The following CALD1 variants were observed in gnomAD, a reference collection of about 807,000 sequenced individuals.
The protein encoded by CALD1 is caldesmon.
In CALD1, 33 loss-of-function variants were observed where a neutral mutation model predicts 99.9. The observed-to-expected ratio is 0.33, with a 90% confidence interval of 0.25 to 0.44. CALD1 has a LOEUF of 0.44. Ranked by LOEUF, CALD1 falls within the 20% of genes least tolerant of loss-of-function variation. The probability of loss-of-function intolerance (pLI) is 1.00; values close to 1 mark genes in which losing one functional copy is unlikely to be tolerated. For missense variants in CALD1, 861 were observed against 962.1 expected (o/e 0.89, Z 1.39); for synonymous variants, 310 against 325.0 (o/e 0.95, Z 0.50).
At chr7:134,936,746 C>T (rs1806011339) in intron 6 of CALD1, among the ~76,000 whole-genome samples, 1 of 152,174 alleles carries the variant, frequency 6.6e-6, no homozygotes, top group South Asian at 2.1e-4. Context: ...ATGAAAACCC[C>T]TAGTTCATGT....
At chr7:134,797,684 C>T (rs892270512) in intron 1 of CALD1, among the ~76,000 whole-genome samples, 5 of 152,284 alleles carry the variant, frequency 3.3e-5, no homozygotes, top group Admixed American at 2.6e-4. Context: ...CCTCCGCCTC[C>T]TGGGTTCAAG....
At chr7:134,952,790 T>C (rs1584660862) in intron 9 of CALD1, among the ~76,000 whole-genome samples, 1 of 152,160 alleles carries the variant, frequency 6.6e-6, no homozygotes, top group East Asian at 1.9e-4. Context: ...TATGATGGTC[T>C]AGGTCCCAGT....
chr7:134,772,889 T>C (rs1796887751), intron 1 of CALD1, among the ~76,000 whole-genome samples: 1 of 152,230 alleles, frequency 6.6e-6, no homozygotes, highest in Non-Finnish European at 1.5e-5. Flanking sequence ...TGGGATTTTC[T>C]TTTACCATTA....
Position 134,968,632 on chromosome 7 carries a change from A to AT in CALD1, c.*288dup. Reference sequence around the variant, plus strand: ...ATCATAACTCTGTATCTGAGCAGTGATACCAACCACATCTGAAGTCAACAG... The same window carrying AT: ...ATCATAACTCTGTATCTGAGCAGTGATTACCAACCACATCTGAAGTCAACAG... On this transcript the variant is annotated 3_prime_UTR_variant, in exon 15 of 15. Transcript: ENST00000361675. The AT allele has an allele frequency of 1.6e-6, 1 of 644,054 alleles. No individual in the cohort carries two copies. The highest frequency in any genetic ancestry group is 2.9e-6 in the Non-Finnish European group (1 of 347,002). 39.9% of individuals were successfully genotyped at this position (644,054 alleles called of 1,614,324 possible).
chr7:134,928,724 G>A, intron 3 of CALD1, 30 bp from the exon 4 acceptor site: 1 of 1,604,062 alleles, frequency 6.2e-7, no homozygotes, highest in Non-Finnish European at 8.5e-7. Flanking sequence ...CAAGTGGCAC[G>A]CTCAAGAGGT....
intron 3 of CALD1, among the ~76,000 whole-genome samples, chr7:134,881,450 C>T (rs1801596842): frequency 6.6e-6 from 1 of 152,134 alleles, no homozygotes; most frequent in Admixed American, 6.5e-5. Flanking sequence ...ATCAGGGCTT[C>T]CTTATCTATA....
intron 2 of CALD1, among the ~76,000 whole-genome samples, chr7:134,862,146 A>G (rs377741975): frequency 6.6e-6 from 1 of 152,192 alleles, no homozygotes; most frequent in Admixed American, 6.5e-5. Flanking sequence ...ATTATTTCTT[A>G]CCTAAGGTTA....
At chr7:134,715,137 T>C in the CALD1 span, among the ~76,000 whole-genome samples, 2 of 152,210 alleles carry the variant, frequency 1.3e-5, no homozygotes, top group South Asian at 4.1e-4. Context: ...GTGAGATATA[T>C]ATACTTCAAC....
intron 1 of CALD1, among the ~76,000 whole-genome samples, chr7:134,780,374 C>T (rs770526014): frequency 6.6e-6 from 1 of 150,974 alleles, no homozygotes; most frequent in Non-Finnish European, 1.5e-5. Flanking sequence ...CAGAAGATGC[C>T]TAGGCTGGTC....
intron 1 of CALD1, among the ~76,000 whole-genome samples, chr7:134,793,487 T>C (rs1797622518): frequency 6.6e-6 from 1 of 152,216 alleles, no homozygotes; most frequent in Admixed American, 6.5e-5. Context: ...TTTTCCATGT[T>C]CTATTTTTAA....
chr7:134,772,297 G>A (rs541944619), intron 1 of CALD1, among the ~76,000 whole-genome samples: 12 of 151,972 alleles, frequency 7.9e-5, no homozygotes, highest in Non-Finnish European at 1.6e-4. Flanking sequence ...GTTTCAGCAT[G>A]TTTTCCAGGC....
chr7:134,933,431 A>G lies in CALD1; in HGVS notation c.662A>G (p.Glu221Gly), dbSNP rs768031790. 1.2e-6 allele frequency: 2 copies of G among 1,613,828 alleles called. No individual in the cohort carries two copies. Among genetic ancestry groups the G allele is most frequent in the South Asian group, 2.2e-5 (2 of 91,048 alleles). The change falls in exon 5 of 15, where the codon GAG becomes GGG. Residue 221 changes from glutamate (E) to glycine (G), a missense_variant. This residue lies in a region of CALD1 where 234 missense variants were observed against 233.1 expected (regional missense o/e 1.00). Coordinates refer to ENST00000361675, the MANE Select transcript of CALD1 (RefSeq NM_033138.4). The stretch of plus-strand genomic sequence containing the variant: ...GAAGAGAAAACAACTGAAAGCCAGG[A>G]GGAAACAGTGGTAATGTCATTAAAA... ...MVEEKTTESQ[E>G]ETVVMSLKNG...
the CALD1 span, among the ~76,000 whole-genome samples, chr7:134,721,042 C>A: frequency 6.6e-6 from 1 of 152,104 alleles, no homozygotes; most frequent in South Asian, 2.1e-4. Flanking sequence ...GCCTAACAGA[C>A]CCTCTGAATC....
intron 12 of CALD1, 189 bp downstream of exon 12, chr7:134,960,300 C>A: frequency 2.8e-6 from 2 of 714,182 alleles, no homozygotes; most frequent in Non-Finnish European, 4.6e-6. Context: ...GTACTAAGCC[C>A]GGGCCATCTT....
chr7:134,902,025 A>G (rs1803035766), intron 3 of CALD1, among the ~76,000 whole-genome samples: 1 of 152,130 alleles, frequency 6.6e-6, no homozygotes, highest in Non-Finnish European at 1.5e-5. Flanking sequence ...ACATACTTCT[A>G]GATTAAATGC....
intron 1 of CALD1, among the ~76,000 whole-genome samples, chr7:134,814,599 C>T (rs961903140): frequency 1.3e-5 from 2 of 152,154 alleles, no homozygotes; most frequent in Non-Finnish European, 2.9e-5. Flanking sequence ...TTACTAAGAG[C>T]ACACAAAGCC....
chr7:134,747,685 G>GCT, intron 1 of CALD1, among the ~76,000 whole-genome samples: 2 of 152,340 alleles, frequency 1.3e-5, no homozygotes, highest in Non-Finnish European at 2.9e-5. Context: ...CTGCCCCAGG[G>GCT]CCAGCTTAGG....
intron 7 of CALD1, among the ~76,000 whole-genome samples, chr7:134,946,834 C>CCACAGGCA (rs1460891703): frequency 6.6e-6 from 1 of 151,964 alleles, no homozygotes; most frequent in Non-Finnish European, 1.5e-5. Context: ...GCACACGCCG[C>CCACAGGCA]CACGCCCGGC....
chr7:134,935,974 G>A (rs2133001798), intron 6 of CALD1, among the ~76,000 whole-genome samples: 1 of 152,278 alleles, frequency 6.6e-6, no homozygotes, highest in East Asian at 1.9e-4. Context: ...AAATGAAATG[G>A]ATAGAAGCCA....
Sources: allele counts gnomAD v4.1 joint callset (sites outside exome capture counted in the v4.1 genomes callset), GRCh38; gene constraint gnomAD v4.1.1; regional missense constraint gnomAD v4.1.1; transcripts MANE v1.5; gene names NCBI Gene and HGNC (gene_info 2026-07-23, HGNC 2026-07-21).